The following FMN1 variants were observed in gnomAD, a reference collection of about 807,000 sequenced individuals.
FMN1 encodes the protein formin 1, also known as formin-1.
Under a neutral mutation model 132.4 loss-of-function variants are expected in FMN1, and 110 were observed. The ratio of observed to expected loss-of-function variants is 0.83; its 90% confidence interval spans 0.71 to 0.97. The LOEUF is 0.97. FMN1 is among the 50% of genes least tolerant of loss of function. FMN1 has a pLI of 0.00. For synonymous variants in FMN1, 722 were observed against 651.7 expected (o/e 1.11, Z -1.64); for missense variants, 1,792 against 1,705.3 (o/e 1.05, Z -0.90).
intron 5 of FMN1, among the ~76,000 whole-genome samples, chr15:33,088,271 A>T (rs917572378): frequency 1.3e-5 from 2 of 152,090 alleles, no homozygotes; most frequent in African/African-American, 4.8e-5. Flanking sequence ...CAAAAACTTT[A>T]AAAAAGAGAA....
intron 4 of FMN1, among the ~76,000 whole-genome samples, chr15:33,117,871 T>A (rs2039987282): frequency 6.6e-6 from 1 of 152,236 alleles, no homozygotes; most frequent in Admixed American, 6.5e-5. Flanking sequence ...AAGTTCAGAT[T>A]GACCTCGCAT....
intron 7 of FMN1, among the ~76,000 whole-genome samples, chr15:32,993,036 G>A (rs1263339620): frequency 6.6e-6 from 1 of 152,122 alleles, no homozygotes; most frequent in Admixed American, 6.5e-5. Context: ...ATTCTAATTG[G>A]AAAAGAGTCA....
chr15:32,975,480 T>C (rs2032129788), intron 7 of FMN1, among the ~76,000 whole-genome samples: 1 of 152,170 alleles, frequency 6.6e-6, no homozygotes, highest in Non-Finnish European at 1.5e-5. Context: ...GCTATTCCCA[T>C]ACACAGCAAA....
chr15:32,926,662 GTCATCTTCTGAGTGATTT>G (rs1424167339), intron 9 of FMN1, among the ~76,000 whole-genome samples: 1 of 152,160 alleles, frequency 6.6e-6, no homozygotes, highest in Non-Finnish European at 1.5e-5. Flanking sequence ...TTTTAGTAAT[GTCATCTTCTGAGTGATTT>G]AGGGGAAAAA....
rs200113820 is a variant in FMN1 at position 32,824,180 on chromosome 15, AATC to A, written c.3929-19851_3929-19849del. On this transcript the variant is annotated intron_variant, in intron 17 of 20. Transcript: ENST00000616417. ...AAAAATCTTTGGTCACGTTATTATT[AATC>A]ATGTTATTTAATAACTGTGAGTACT... is the stretch of plus-strand genomic sequence containing the variant. Among the ~76,000 whole-genome samples the A allele has an allele frequency of 1.7e-3, 256 of 152,340 alleles. 1 individual carries two copies. The highest frequency in any genetic ancestry group is 6.8e-3 in the Middle Eastern group (2 of 294).
intron 6 of FMN1, among the ~76,000 whole-genome samples, chr15:33,019,138 T>G (rs2035266804): frequency 6.6e-6 from 1 of 152,076 alleles, no homozygotes; most frequent in South Asian, 2.1e-4. Flanking sequence ...GAGAGCTGAT[T>G]GGTCTGTTTT....
chr15:32,821,979 C>T (rs1420756262), intron 17 of FMN1, among the ~76,000 whole-genome samples: 2 of 152,088 alleles, frequency 1.3e-5, no homozygotes, highest in East Asian at 1.9e-4. Context: ...AATGCTTTAA[C>T]CATTATTTTA....
intron 5 of FMN1, among the ~76,000 whole-genome samples, chr15:33,086,970 G>A (rs906644133): frequency 2.0e-5 from 3 of 152,146 alleles, no homozygotes; most frequent in East Asian, 1.9e-4. Context: ...ACCCACACTC[G>A]TCAAAAACAT....
chr15:33,056,224 G>C (rs543480896), intron 6 of FMN1, among the ~76,000 whole-genome samples: 4 of 152,160 alleles, frequency 2.6e-5, no homozygotes, highest in African/African-American at 9.7e-5. Context: ...ATGTCTCCCT[G>C]TATTTACCAA....
chr15:33,043,803 G>A (rs1379305007), intron 6 of FMN1, among the ~76,000 whole-genome samples: 1 of 152,176 alleles, frequency 6.6e-6, no homozygotes, highest in Non-Finnish European at 1.5e-5. Context: ...AGTTGGCAGG[G>A]CACAGCTGCA....
At chr15:33,108,972 G>A (rs1220778796) in intron 4 of FMN1, among the ~76,000 whole-genome samples, 1 of 152,008 alleles carries the variant, frequency 6.6e-6, no homozygotes, top group Non-Finnish European at 1.5e-5. Flanking sequence ...GACAGAGAAG[G>A]AGTTATCCAG....
Position 32,770,975 on chromosome 15 carries a change from T to G in FMN1, c.*3335A>C, listed in dbSNP as rs2140837431. ...CACCGTCATCATAAACATCCACTTC[T>G]GCTTGGCCACACTTTTTCTTATTTC... On this transcript the variant is annotated 3_prime_UTR_variant, in exon 21 of 21. Coordinates refer to ENST00000616417, the MANE Select transcript of FMN1 (RefSeq NM_001277313.2). 6.6e-6 allele frequency: 1 copy of G among 152,008 alleles called. No homozygotes were observed. Among genetic ancestry groups the G allele is most frequent in the Admixed American group, 6.6e-5 (1 of 15,234 alleles). The allele number at this position is 152,008 out of a possible 1,614,324, so 9.4% of individuals were successfully genotyped here. A position where few individuals can be genotyped will look rare whatever the true frequency, so the allele number is the denominator to read the frequency against.
At chr15:33,190,402 C>T (rs2140360884) in intron 2 of FMN1, among the ~76,000 whole-genome samples, 1 of 152,180 alleles carries the variant, frequency 6.6e-6, no homozygotes, top group Non-Finnish European at 1.5e-5. Flanking sequence ...TGAGGTTTCC[C>T]AAAATTACTA....
chr15:33,075,442 G>A (rs2038171211), intron 5 of FMN1, among the ~76,000 whole-genome samples: 1 of 152,134 alleles, frequency 6.6e-6, no homozygotes, highest in Admixed American at 6.5e-5. Context: ...GCATGCCCCA[G>A]CCGCAACCAT....
At chr15:32,956,634 T>C (rs2061775632) in intron 9 of FMN1, among the ~76,000 whole-genome samples, 2 of 152,250 alleles carry the variant, frequency 1.3e-5, no homozygotes, top group Non-Finnish European at 2.9e-5. Flanking sequence ...GGCAAGTTAT[T>C]TCACTCACTT....
chr15:33,095,238 C>T (rs2039037608), intron 4 of FMN1, among the ~76,000 whole-genome samples: 1 of 152,002 alleles, frequency 6.6e-6, no homozygotes, highest in Non-Finnish European at 1.5e-5. Flanking sequence ...ATCCCAGCTA[C>T]TTGGAAGGCT....
intron 7 of FMN1, among the ~76,000 whole-genome samples, chr15:33,003,348 A>G (rs532246634): frequency 2.4e-4 from 36 of 152,344 alleles, no homozygotes; most frequent in African/African-American, 8.2e-4. Context: ...CAACTTCAGC[A>G]AAGTCTCAGG....
intron 4 of FMN1, chr15:33,151,211 A>G (rs757421771): frequency 1.2e-5 from 18 of 1,531,188 alleles, no homozygotes; most frequent in South Asian, 9.6e-5. Flanking sequence ...TGGAGGCCCT[A>G]TAGGAAGTCT....
chr15:32,974,687 G>A (rs1466798455), intron 7 of FMN1, among the ~76,000 whole-genome samples: 2 of 152,172 alleles, frequency 1.3e-5, no homozygotes, highest in African/African-American at 2.4e-5. Context: ...GATTCCAATG[G>A]GAGCCAGAGG....
Sources: allele counts gnomAD v4.1 joint callset (sites outside exome capture counted in the v4.1 genomes callset), GRCh38; gene constraint gnomAD v4.1.1; transcripts MANE v1.5; gene names NCBI Gene and HGNC (gene_info 2026-07-23, HGNC 2026-07-21).